LTBP1: variants seen among roughly 807,000 people sequenced by gnomAD.
LTBP1 encodes latent-transforming growth factor beta-binding protein 1.
A neutral mutation model predicts 207.6 loss-of-function variants in LTBP1; 129 were observed. The ratio of observed to expected loss-of-function variants is 0.62; its 90% CI spans 0.54 to 0.72. The LOEUF (loss-of-function observed/expected upper bound fraction) is 0.72, where lower values mean the gene tolerates loss of function less well. LTBP1 is among the 30% of genes least tolerant of loss of function. The pLI is 0.00. For synonymous variants in LTBP1, 963 were observed against 833.7 expected (o/e 1.16, Z -2.67); for missense variants, 2,281 against 2,217.2 (o/e 1.03, Z -0.58).
chr2:32,977,872 T>C (rs1053990855), intron 2 of LTBP1, among the ~76,000 whole-genome samples: 62 of 152,224 alleles, frequency 4.1e-4, no homozygotes, highest in African/African-American at 1.4e-3. Flanking sequence ...AGTGTTCAGT[T>C]TGTTTCCCTC....
At chr2:33,346,641 C>G (rs556439752) in intron 25 of LTBP1, among the ~76,000 whole-genome samples, 4 of 150,930 alleles carry the variant, frequency 2.7e-5, no homozygotes, top group Non-Finnish European at 5.9e-5. Flanking sequence ...GCTGAGATCA[C>G]GGCACTGCAC....
At chr2:33,289,516 C>T (rs1368944978) in intron 19 of LTBP1, among the ~76,000 whole-genome samples, 3 of 152,088 alleles carry the variant, frequency 2.0e-5, no homozygotes, top group East Asian at 3.9e-4. Flanking sequence ...CGCACCACCA[C>T]ACTCAGCTAA....
intron 3 of LTBP1, among the ~76,000 whole-genome samples, chr2:33,074,661 G>T (rs186554072): frequency 6.6e-6 from 1 of 152,206 alleles, no homozygotes; most frequent in East Asian, 1.9e-4. Context: ...ATGAGGTCAG[G>T]AGATCGAGAC....
At chr2:32,997,137 G>A (rs557357030) in intron 2 of LTBP1, among the ~76,000 whole-genome samples, 5 of 151,970 alleles carry the variant, frequency 3.3e-5, no homozygotes, top group Non-Finnish European at 5.9e-5. Flanking sequence ...CGCCCACCTC[G>A]GCCTCCCAAG....
intron 31 of LTBP1, 140 bp downstream of exon 31, chr2:33,365,643 G>GTA: frequency 2.3e-5 from 18 of 773,098 alleles, no homozygotes; most frequent in Non-Finnish European, 3.2e-5. Context: ...GTGTGTGTGT[G>GTA]TGTGTGTAGG....
intron 24 of LTBP1, among the ~76,000 whole-genome samples, chr2:33,330,076 A>G (rs1469902319): frequency 1.3e-5 from 2 of 152,040 alleles, no homozygotes; most frequent in African/African-American, 4.8e-5. Flanking sequence ...ATTTTTGTAT[A>G]AAGTCTTTCA....
chr2:33,393,543 T>C lies in LTBP1; in HGVS notation c.4835-3590T>C, dbSNP rs578177518. On this transcript the variant is annotated intron_variant, in intron 32 of 33. Transcript: ENST00000404816. ...ACCTATGAGTGAGAACATGCGGTGT[T>C]TGGTTTTCTGTCCTTGCAATAGTTT... is the stretch of plus-strand genomic sequence containing the variant. Among the ~76,000 whole-genome samples, 6 of 151,610 alleles carry C rather than the reference T, an allele frequency of 4.0e-5. No individual in the cohort carries two copies. The South Asian group carries it at 1.3e-3, about 32-fold the overall frequency.
chr2:32,968,235 G>A (rs769193277), intron 2 of LTBP1, among the ~76,000 whole-genome samples: 1 of 152,172 alleles, frequency 6.6e-6, no homozygotes, highest in Non-Finnish European at 1.5e-5. Context: ...CAAAGTGTAA[G>A]GATTACAGGC....
intron 3 of LTBP1, among the ~76,000 whole-genome samples, chr2:33,070,475 T>A (rs1430112585): frequency 1.5e-4 from 23 of 152,162 alleles, no homozygotes; most frequent in Non-Finnish European, 5.9e-5. Context: ...CTTAAAGAAG[T>A]CCTTTAAGTT....
chr2:33,173,385 A>T lies in LTBP1; in HGVS notation c.1202-13471A>T, dbSNP rs1428422605. On this transcript the variant is annotated intron_variant, in intron 5 of 33. Transcript: ENST00000404816. The stretch of plus-strand genomic sequence containing the variant: ...GAGAATACTACAAACACCTCTACGC[A>T]AATAAACTATAAAATCTAGAAGAAA... 4.6e-5 allele frequency among the ~76,000 whole-genome samples: 7 copies of T among 152,204 alleles called. No individual in the cohort carries two copies. In the South Asian group the frequency reaches 6.2e-4, roughly 14 times the overall value.
chr2:33,055,394 C>G (rs1394881584), intron 3 of LTBP1, among the ~76,000 whole-genome samples: 1 of 152,138 alleles, frequency 6.6e-6, no homozygotes, highest in Non-Finnish European at 1.5e-5. Flanking sequence ...AATTCATGGG[C>G]TTTTTTTCTA....
chr2:33,374,676 C>T (rs184087102), intron 31 of LTBP1, among the ~76,000 whole-genome samples: 29 of 152,270 alleles, frequency 1.9e-4, no homozygotes, highest in Middle Eastern at 3.4e-3. Flanking sequence ...GACTCTTGGC[C>T]CGGCACAGTG....
chr2:33,070,325 G>A (rs1207989949), intron 3 of LTBP1, among the ~76,000 whole-genome samples: 2 of 152,182 alleles, frequency 1.3e-5, no homozygotes, highest in Non-Finnish European at 2.9e-5. Context: ...GCAAGGTGAC[G>A]GTGGCCCTAA....
At chr2:33,200,427 A>C (rs1210083235) in intron 7 of LTBP1, among the ~76,000 whole-genome samples, 1 of 152,234 alleles carries the variant, frequency 6.6e-6, no homozygotes, top group African/African-American at 2.4e-5. Context: ...AGCCATATGT[A>C]GAAAGCTGAA....
chr2:33,131,429 C>A (rs2081783975), intron 4 of LTBP1, among the ~76,000 whole-genome samples: 1 of 152,134 alleles, frequency 6.6e-6, no homozygotes, highest in African/African-American at 2.4e-5. Flanking sequence ...TTACACTATA[C>A]CCTAAATATG....
At chr2:33,194,276 A>C (rs557551615) in intron 7 of LTBP1, among the ~76,000 whole-genome samples, 1 of 152,214 alleles carries the variant, frequency 6.6e-6, no homozygotes, top group Admixed American at 6.5e-5. Context: ...TGAGCCACCG[A>C]GCCCGGCCAC....
intron 2 of LTBP1, among the ~76,000 whole-genome samples, chr2:32,976,192 G>C (rs1318313491): frequency 6.6e-6 from 1 of 152,190 alleles, no homozygotes; most frequent in Non-Finnish European, 1.5e-5. Flanking sequence ...GGGCTGGTAT[G>C]GGGCCCCCAG....
chr2:33,361,513 A>T lies in LTBP1; in HGVS notation c.4268A>T (p.Lys1423Ile). 1.2e-6 allele frequency: 2 copies of T among 1,611,804 alleles called. No homozygotes were observed. Among genetic ancestry groups the T allele is most frequent in the Non-Finnish European group, 1.7e-6 (2 of 1,178,358 alleles). The change falls in exon 28 of 34, where the codon AAA (lysine) becomes ATA (isoleucine). Residue 1423 changes from lysine (K) to isoleucine (I), a missense_variant and splice_region_variant. This residue lies in a region of LTBP1 where 1,671 missense variants were observed against 1,634.8 expected (regional missense o/e 1.02). Coordinates refer to ENST00000404816, the MANE Select transcript of LTBP1 (RefSeq NM_206943.4). ...TCTGAAGCTGGTGGTGAGAACTATA[A>T]AGGTCAGAATCAAGTGGAAACAAAT... is the stretch of plus-strand genomic sequence containing the variant. ...SSSEAGGENYKDADECLLFGQ... is the reference protein window; with the variant it reads ...SSSEAGGENYIDADECLLFGQ...
At chr2:33,309,225 G>A (rs2094144603) in intron 22 of LTBP1, among the ~76,000 whole-genome samples, 1 of 150,994 alleles carries the variant, frequency 6.6e-6, no homozygotes, top group South Asian at 2.1e-4. Context: ...AGAGGTTGCA[G>A]TGAGCCAAGA....
Sources: allele counts gnomAD v4.1 joint callset (sites outside exome capture counted in the v4.1 genomes callset), GRCh38; gene constraint gnomAD v4.1.1; regional missense constraint gnomAD v4.1.1; transcripts MANE v1.5; gene names NCBI Gene and HGNC (gene_info 2026-07-23, HGNC 2026-07-21).